The following VWF variants were observed in gnomAD, a reference collection of about 807,000 sequenced individuals.
The protein encoded by VWF is von Willebrand factor, also known as Factor VIII related antigen.
Under a neutral mutation model 308.6 loss-of-function variants are expected in VWF, and 176 were observed. The ratio of observed to expected loss-of-function variants is 0.57; its 90% CI spans 0.50 to 0.65. VWF has a LOEUF of 0.65. VWF is among the 30% of genes least tolerant of loss of function. VWF has a pLI of 0.00. For synonymous variants in VWF, 1,385 were observed against 1,443.4 expected, an observed-to-expected ratio of 0.96 and a Z score of 0.92; for missense variants, 3,146 against 3,648.2, an observed-to-expected ratio of 0.86 and a Z score of 3.55.
rs767111433 is a variant in VWF at position 6,060,171 on chromosome 12, T to C, written c.1534-2127A>G. 4.6e-5 allele frequency among the ~76,000 whole-genome samples: 7 copies of C among 152,166 alleles called. No homozygotes were observed. The highest frequency in any genetic ancestry group is 8.8e-5 in the Non-Finnish European group (6 of 68,024). ...ACACTCACTATTTGAAATAAACCTC[T>C]GGTCAGTGACAGTTCTGACTAAATG... On this transcript the variant is annotated intron_variant, in intron 13 of 51. Coordinates refer to ENST00000261405, the MANE Select transcript of VWF (RefSeq NM_000552.5). This position sits in a 1 kb window ranked among gnomAD's most constrained non-coding sequence, Gnocchi z 5.1.
In VWF at chr12:5,991,861, C is replaced by T. The variant is rs71581020; in HGVS notation, c.6756G>A (p.Glu2252=). The change falls in exon 38 of 52, where the codon GAG becomes GAA. Residue 2252 remains glutamate (E), a synonymous_variant. Coordinates refer to ENST00000261405, the MANE Select transcript of VWF (RefSeq NM_000552.5). ...VMLEGSCVPE[E]ACTQCIGEDG... ...CCTCACCAATGCACTGAGTGCAGGC[C>T]TCTTCAGGGACACAGCTGCCTTCCA... 1.1e-3 allele frequency: 1,778 copies of T among 1,614,244 alleles called. 3 individuals carry two copies. Among genetic ancestry groups the T allele is most frequent in the Middle Eastern group, 3.0e-3 (18 of 6,054 alleles).
At chr12:6,073,808 GC>G (rs1944809154) in intron 7 of VWF, 67 bp from the exon 8 acceptor site, 1 of 1,608,346 alleles carries the variant, frequency 6.2e-7, no homozygotes, top group Non-Finnish European at 8.5e-7. Flanking sequence ...CACCAGCCAT[GC>G]CACAGCCTGA....
chr12:6,118,853 C>G (rs1591929113), intron 3 of VWF, among the ~76,000 whole-genome samples: 1 of 152,162 alleles, frequency 6.6e-6, no homozygotes, highest in Non-Finnish European at 1.5e-5. Context: ...CTTCAGCTTC[C>G]CAGGGGCAGG....
At chr12:6,066,702 G>A (rs1360140806) in intron 10 of VWF, among the ~76,000 whole-genome samples, 3 of 152,250 alleles carry the variant, frequency 2.0e-5, no homozygotes, top group South Asian at 2.1e-4. Context: ...AGCTCCAGGG[G>A]CTAATGCTAG....
At position 5,976,324 on chromosome 12, in the gene VWF, C is replaced by T. The variant is rs931945965; in HGVS notation, c.7288-64G>A. ...CATTGAAACAAGCGGTGAGTTAGCA[C>T]CTACTACACAGAAGCCGCTCTAAGT... On this transcript the variant is annotated intron_variant, in intron 42 of 51. Coordinates refer to ENST00000261405, the MANE Select transcript of VWF (RefSeq NM_000552.5). The T allele has an allele frequency of 3.1e-6, 5 of 1,607,582 alleles. No homozygotes were observed. The African/African-American group carries it at 4.0e-5, about 13-fold the overall frequency.
At chr12:5,972,771 ACGG>A (rs1446709852) in intron 43 of VWF, among the ~76,000 whole-genome samples, 1 of 152,174 alleles carries the variant, frequency 6.6e-6, no homozygotes, top group Non-Finnish European at 1.5e-5. Context: ...ACTAGGTACT[ACGG>A]AGGAGACAAC....
intron 13 of VWF, among the ~76,000 whole-genome samples, chr12:6,061,216 C>CA (rs768135638): frequency 1.3e-5 from 2 of 151,874 alleles, no homozygotes; most frequent in African/African-American, 4.8e-5. Context: ...ACAAAACAAA[C>CA]AAAAAGAAAG....
intron 47 of VWF, among the ~76,000 whole-genome samples, chr12:5,963,096 C>T (rs1311283127): frequency 6.6e-6 from 1 of 152,090 alleles, no homozygotes; most frequent in Non-Finnish European, 1.5e-5. Flanking sequence ...ACATAAAAAG[C>T]ACTAACCATA....
intron 47 of VWF, among the ~76,000 whole-genome samples, chr12:5,958,510 A>G (rs1285189336): frequency 6.6e-6 from 1 of 152,148 alleles, no homozygotes; most frequent in Non-Finnish European, 1.5e-5. Flanking sequence ...AAACATGGCA[A>G]AACCCCATCT....
chr12:5,972,435 G>A (rs911341494), intron 43 of VWF, among the ~76,000 whole-genome samples: 4 of 152,194 alleles, frequency 2.6e-5, no homozygotes, highest in Non-Finnish European at 5.9e-5. Flanking sequence ...GTTTGTCCCA[G>A]GAGCCAAGAG....
chr12:6,120,180 G>C (rs747237710), intron 3 of VWF, among the ~76,000 whole-genome samples: 1 of 152,208 alleles, frequency 6.6e-6, no homozygotes, highest in Non-Finnish European at 1.5e-5. Flanking sequence ...CTACAGCCCA[G>C]ATCTCAGGTA....
intron 3 of VWF, among the ~76,000 whole-genome samples, chr12:6,115,754 G>A (rs1049564103): frequency 3.9e-5 from 6 of 152,144 alleles, no homozygotes; most frequent in African/African-American, 1.4e-4. Flanking sequence ...CATGGTGGGA[G>A]AACCAGCAGC....
intron 19 of VWF, among the ~76,000 whole-genome samples, chr12:6,036,135 T>C (rs890170865): frequency 6.6e-6 from 1 of 152,188 alleles, no homozygotes; most frequent in Admixed American, 6.5e-5. Context: ...TCCAAAACAG[T>C]TGTGGTCCCA....
intron 47 of VWF, among the ~76,000 whole-genome samples, chr12:5,966,084 C>T (rs758657102): frequency 3.7e-4 from 57 of 152,270 alleles, no homozygotes; most frequent in Non-Finnish European, 6.3e-4. Context: ...AGTGAGCGGG[C>T]CTGCCCTCCA....
intron 1 of VWF, among the ~76,000 whole-genome samples, chr12:6,123,615 CCAGA>C (rs1288174102): frequency 3.3e-5 from 5 of 152,190 alleles, no homozygotes; most frequent in Non-Finnish European, 5.9e-5. Flanking sequence ...CCACAGCAGC[CCAGA>C]CATAGAGAAT....
In VWF at chr12:6,034,813, G is replaced by A. The variant is rs61748482; in HGVS notation, c.2560C>T (p.Arg854Trp). ...IGCNTCVCQD[R>W]KWNCTDHVCD... ...ACATGGTCTGTGCAGTTCCACTTCC[G>A]GTCCTGACAGACACTAGGAGCAGTC... The change falls in exon 20 of 52, where the codon CGG becomes TGG. Residue 854 changes from arginine to tryptophan, a missense_variant. Physicochemically the swap from Arg to Trp is moderately radical, Grantham distance 101. This residue lies in a region of VWF where 1,304 missense variants were observed against 1,353.0 expected (regional missense o/e 0.96). Coordinates refer to ENST00000261405, the MANE Select transcript of VWF (RefSeq NM_000552.5). The A allele has an allele frequency of 1.5e-5, 25 of 1,614,078 alleles. No individual in the cohort carries two copies. The highest frequency in any genetic ancestry group is 2.2e-5 in the South Asian group (2 of 91,088).
At chr12:6,095,630 C>T in intron 5 of VWF, 46 bp from the exon 6 acceptor site, 1 of 1,613,620 alleles carries the variant, frequency 6.2e-7, no homozygotes, top group Non-Finnish European at 8.5e-7. Context: ...TTATGCCTGT[C>T]CCAGAACTTC....
chr12:6,055,759 T>TACACACACACACACACACACACACACAC (rs775653228), intron 15 of VWF, among the ~76,000 whole-genome samples: 1 of 66,260 alleles, frequency 1.5e-5, no homozygotes, highest in South Asian at 3.5e-4. Context: ...TATATATATG[T>TACACACACACACACACACACACACACAC]ATACACACAC....
rs147363505 is a variant in VWF, at chr12:6,054,798, G to A, written c.1946-2015C>T. On this transcript the variant is annotated intron_variant, in intron 15 of 51. Transcript: ENST00000261405. ...TCCAATTGATGTGACCTCTTCTTAC[G>A]AATAGATTCACTGGTTTAGGGAGCT... Among the ~76,000 whole-genome samples the A allele has an allele frequency of 5.6e-4, 85 of 152,262 alleles. 1 individual carries two copies. Among genetic ancestry groups the A allele is most frequent in the African/African-American group, 1.9e-3 (78 of 41,560 alleles).
Sources: allele counts gnomAD v4.1 joint callset (sites outside exome capture counted in the v4.1 genomes callset), GRCh38; gene constraint gnomAD v4.1.1; regional missense constraint gnomAD v4.1.1; non-coding constraint Gnocchi (gnomAD v3.1); transcripts MANE v1.5; gene names NCBI Gene and HGNC (gene_info 2026-07-23, HGNC 2026-07-21).